Variants in LGR5 observed in about 807,000 individuals in gnomAD.
The protein encoded by LGR5 is leucine rich repeat containing G protein-coupled receptor 5.
LGR5 carries 54 observed loss-of-function variants against 76.7 expected under a neutral mutation model. The ratio of observed to expected loss-of-function variants is 0.70; its 90% confidence interval spans 0.57 to 0.88. LGR5 has a LOEUF of 0.88. Ranked by LOEUF, LGR5 falls within the 40% of genes least tolerant of loss-of-function variation. The pLI is 0.00. For missense variants in LGR5, 1,078 were observed against 1,073.3 expected (o/e 1.00, Z -0.06); for synonymous variants, 406 against 421.9 (o/e 0.96, Z 0.46).
chr12:71,466,649 T>C (rs1475298376), intron 1 of LGR5, among the ~76,000 whole-genome samples: 1 of 149,790 alleles, frequency 6.7e-6, no homozygotes, highest in Non-Finnish European at 1.5e-5. Context: ...ATACATGTGA[T>C]AATAATTTCC....
At chr12:71,574,626 T>C (rs1156945799) in intron 13 of LGR5, among the ~76,000 whole-genome samples, 1 of 152,208 alleles carries the variant, frequency 6.6e-6, no homozygotes, top group Non-Finnish European at 1.5e-5. Flanking sequence ...CCCTGTTGTC[T>C]TCAAGATCAG....
chr12:71,453,622 GAGA>G (rs1872340156), intron 1 of LGR5, among the ~76,000 whole-genome samples: 1 of 151,998 alleles, frequency 6.6e-6, no homozygotes, highest in South Asian at 2.1e-4. Context: ...AGGGGACTGA[GAGA>G]AGGTCGGGAA....
At chr12:71,530,336 G>A (rs1876241948) in intron 3 of LGR5, among the ~76,000 whole-genome samples, 1 of 152,176 alleles carries the variant, frequency 6.6e-6, no homozygotes. Flanking sequence ...GTTTTATAAA[G>A]TCCAAAAGTG....
intron 1 of LGR5, among the ~76,000 whole-genome samples, chr12:71,447,580 A>G (rs568298548): frequency 6.6e-6 from 1 of 152,042 alleles, no homozygotes; most frequent in Admixed American, 6.6e-5. Context: ...TTTTCCACAC[A>G]CTCATTTTAT....
At position 71,582,542 on chromosome 12, in the gene LGR5, G is replaced by A; in HGVS notation, c.1636+3G>A. 1 of 1,610,228 alleles carries A rather than the reference G, an allele frequency of 6.2e-7. No individual in the cohort carries two copies. Among genetic ancestry groups the A allele is most frequent in the Middle Eastern group, 1.7e-4 (1 of 6,060 alleles). On this transcript the variant is annotated splice_donor_region_variant and intron_variant, in intron 17 of 17. Transcript: ENST00000266674. ...AGTGCAGTGTTCACCTTCCCCAGGTGAGAAAGGCATCAAAAATTCCTCAAC... is the reference window on the plus strand; with the variant it reads ...AGTGCAGTGTTCACCTTCCCCAGGTAAGAAAGGCATCAAAAATTCCTCAAC...
At chr12:71,499,730 C>T (rs1874508162) in intron 1 of LGR5, among the ~76,000 whole-genome samples, 3 of 151,970 alleles carry the variant, frequency 2.0e-5, no homozygotes, top group African/African-American at 7.3e-5. Context: ...TAGCTGTTAC[C>T]CCAGGAGGAA....
intron 1 of LGR5, among the ~76,000 whole-genome samples, chr12:71,451,905 C>T (rs746513962): frequency 3.3e-5 from 5 of 152,122 alleles, no homozygotes; most frequent in Non-Finnish European, 5.9e-5. Flanking sequence ...AAACCCACAA[C>T]CCCACAACCA....
At chr12:71,499,085 G>A (rs1592492895) in intron 1 of LGR5, among the ~76,000 whole-genome samples, 1 of 152,310 alleles carries the variant, frequency 6.6e-6, no homozygotes, top group East Asian at 1.9e-4. Context: ...AGTATCCTGG[G>A]ATAATAACAG....
At chr12:71,476,549 T>C (rs1873345065) in intron 1 of LGR5, among the ~76,000 whole-genome samples, 1 of 152,220 alleles carries the variant, frequency 6.6e-6, no homozygotes, top group Non-Finnish European at 1.5e-5. Flanking sequence ...AATACTTTTT[T>C]GTCTCAGATA....
Position 71,578,722 on chromosome 12 carries a change from A to T in LGR5, c.1281-82A>T, listed in dbSNP as rs1330205219. ...GAAGTTTTTATTGAGTAGTTTAACG[A>T]TCTTTAGGTTGTTGTTTTTTTTAAC... On this transcript the variant is annotated intron_variant, in intron 14 of 17. Coordinates refer to ENST00000266674, the MANE Select transcript of LGR5 (RefSeq NM_003667.4). 3 of 1,377,566 alleles carry T rather than the reference A, an allele frequency of 2.2e-6. No individual in the cohort carries two copies. In the East Asian group the frequency reaches 7.3e-5, roughly 33 times the overall value. 85.3% of individuals were successfully genotyped at this position (1,377,566 alleles called of 1,614,324 possible). A position where few individuals can be genotyped will look rare whatever the true frequency, so the allele number is the denominator to read the frequency against.
intron 2 of LGR5, among the ~76,000 whole-genome samples, chr12:71,507,285 C>T (rs1055169189): frequency 2.6e-5 from 4 of 151,994 alleles, no homozygotes; most frequent in Admixed American, 1.3e-4. Context: ...AGTGGAGGGA[C>T]GGTTGGAATT....
chr12:71,562,179 A>C (rs1490040709), intron 8 of LGR5, among the ~76,000 whole-genome samples: 2 of 152,220 alleles, frequency 1.3e-5, no homozygotes, highest in Non-Finnish European at 2.9e-5. Flanking sequence ...CTGCATAGTC[A>C]TTCTGAACTT....
chr12:71,529,085 A>G (rs1186535164), intron 3 of LGR5, among the ~76,000 whole-genome samples: 1 of 152,236 alleles, frequency 6.6e-6, no homozygotes, highest in Non-Finnish European at 1.5e-5. Flanking sequence ...TTTCTCCACT[A>G]TGACGTTTGT....
intron 7 of LGR5, among the ~76,000 whole-genome samples, chr12:71,560,437 AGAG>A (rs762137374): frequency 4.5e-4 from 69 of 152,192 alleles, no homozygotes; most frequent in Non-Finnish European, 5.0e-4. Context: ...AGGAAGAGGA[AGAG>A]GAGATGTTTG....
chr12:71,535,733 A>G (rs1876551588), intron 4 of LGR5, among the ~76,000 whole-genome samples: 2 of 152,160 alleles, frequency 1.3e-5, no homozygotes, highest in Non-Finnish European at 2.9e-5. Context: ...ATGTGCAGAC[A>G]TGGCCATAAA....
At chr12:71,557,275 A>T (rs1877819549) in intron 6 of LGR5, among the ~76,000 whole-genome samples, 1 of 152,166 alleles carries the variant, frequency 6.6e-6, no homozygotes, top group Non-Finnish European at 1.5e-5. Flanking sequence ...ACAGAGCAAG[A>T]CCTTGTCTCA....
chr12:71,559,477 T>A (rs2137426439), intron 6 of LGR5, 109 bp from the exon 7 acceptor site: 1 of 614,796 alleles, frequency 1.6e-6, no homozygotes, highest in Non-Finnish European at 2.9e-6. Context: ...CAGTGAGAAC[T>A]TCCATTAGTC....
At chr12:71,541,827 T>TG (rs1876894977) in intron 4 of LGR5, among the ~76,000 whole-genome samples, 2 of 152,156 alleles carry the variant, frequency 1.3e-5, no homozygotes, top group Non-Finnish European at 2.9e-5. Flanking sequence ...GAGGTGAGTC[T>TG]GGGATAAGAA....
At chr12:71,473,446 A>G (rs1873185337) in intron 1 of LGR5, among the ~76,000 whole-genome samples, 3 of 152,120 alleles carry the variant, frequency 2.0e-5, no homozygotes, top group Admixed American at 6.6e-5. Context: ...CATTTTGGTT[A>G]ATTTCCACTG....
Sources: gnomAD v4.1 joint callset for allele counts (sites outside exome capture counted in the v4.1 genomes callset) on GRCh38, gnomAD v4.1.1 for gene constraint, MANE v1.5 for transcripts, NCBI Gene and HGNC (gene_info 2026-07-23, HGNC 2026-07-21) for gene names.